ARL1: variants seen among roughly 807,000 people sequenced by gnomAD.
ARL1 encodes ADP-ribosylation factor-like protein 1.
Under a neutral mutation model 30.1 loss-of-function variants are expected in ARL1, and 17 were observed. The ratio of observed to expected loss-of-function variants is 0.56; its 90% confidence interval spans 0.39 to 0.85. The LOEUF (loss-of-function observed/expected upper bound fraction) is 0.85, where lower values mean the gene tolerates loss of function less well. Among genes scored for constraint, ARL1 ranks in the 40% least tolerant of loss-of-function variants. The pLI, the probability that ARL1 is intolerant of heterozygous loss-of-function variation, is 0.00. For missense variants in ARL1, 102 were observed against 212.6 expected (o/e 0.48, Z 3.24); for synonymous variants, 58 against 71.7 (o/e 0.81, Z 0.97).
chr12:101,396,685 C>T (rs1221449266), intron 4 of ARL1, 108 bp from the exon 5 acceptor site: 7 of 785,896 alleles, frequency 8.9e-6, no homozygotes, highest in African/African-American at 8.8e-5. Context: ...TAATATATTA[C>T]ACATTATGAA....
chr12:101,404,419 C>T (rs1871384689), intron 2 of ARL1, among the ~76,000 whole-genome samples: 1 of 152,206 alleles, frequency 6.6e-6, no homozygotes, highest in Non-Finnish European at 1.5e-5. Context: ...GCAGCACTCA[C>T]TGAAACTCCA....
intron 2 of ARL1, chr12:101,403,151 C>T (rs558028747): frequency 3.4e-4 from 158 of 469,022 alleles, no homozygotes; most frequent in African/African-American, 2.1e-3. Context: ...CCATTTAAGA[C>T]GAAATAGTAT....
chr12:101,399,507 TCTAAAAAAAAAAAAAAA>T (rs1344171384), intron 4 of ARL1, among the ~76,000 whole-genome samples: 1 of 91,056 alleles, frequency 1.1e-5, no homozygotes, highest in East Asian at 2.7e-4. Context: ...CAAGACTCTG[TCTAAAAAAAAAAAAAAA>T]AAAAAAAAAA....
chr12:101,396,572 T>C lies in ARL1; in HGVS notation c.342A>G (p.Glu114=), dbSNP rs1345172968. 6.2e-7 allele frequency: 1 copy of C among 1,608,614 alleles called. No homozygotes were observed. Among genetic ancestry groups the C allele is most frequent in the East Asian group, 2.2e-5 (1 of 44,802 alleles). ...CCACTAAAATGGCTTTTCTCAGCTC[T>C]TCTTCCTAAATGAAATTGAAAATAT... ...KSELVAMLEE[E]ELRKAILVVF... The change falls in exon 5 of 6, where the codon GAA becomes GAG. Residue 114 remains glutamate, a synonymous_variant. Coordinates refer to ENST00000261636, the MANE Select transcript of ARL1 (RefSeq NM_001177.6).
chr12:101,396,413 A>G lies in ARL1; in HGVS notation c.501T>C (p.Asp167=). ...KTSATKGTGL[D]EAMEWLVETL... ...ATGATACTTGCCATTCCATTGCCTC[A>G]TCAAGGCCGGTGCCTTTGGTTGCTG... is the stretch of plus-strand genomic sequence containing the variant. Residue 167 remains aspartate (D), a synonymous_variant, in exon 5 of 6, where the codon GAT becomes GAC. Coordinates refer to ENST00000261636, the MANE Select transcript of ARL1 (RefSeq NM_001177.6). 1 of 1,614,034 alleles carries G rather than the reference A, an allele frequency of 6.2e-7. No homozygotes were observed. Among genetic ancestry groups the G allele is most frequent in the Non-Finnish European group, 8.5e-7 (1 of 1,179,906 alleles).
intron 4 of ARL1, among the ~76,000 whole-genome samples, chr12:101,398,039 T>C (rs888382088): frequency 4.6e-5 from 7 of 152,144 alleles, no homozygotes; most frequent in Non-Finnish European, 8.8e-5. Flanking sequence ...ATTCCTTATA[T>C]GTTCTTATAA....
chr12:101,397,424 G>A (rs551457614), intron 4 of ARL1, among the ~76,000 whole-genome samples: 1 of 151,916 alleles, frequency 6.6e-6, no homozygotes, highest in East Asian at 1.9e-4. Context: ...GCAGAGAGAG[G>A]AGCTCAAGGT....
In ARL1 at chr12:101,396,501, T is replaced by A; in HGVS notation, c.413A>T (p.Glu138Val). 1 of 1,614,022 alleles carries A rather than the reference T, an allele frequency of 6.2e-7. No homozygotes were observed. The highest frequency in any genetic ancestry group is 8.5e-7 in the Non-Finnish European group (1 of 1,179,890). The change falls in exon 5 of 6, where the codon GAG (glutamate) becomes GTG (valine). Residue 138 changes from glutamate (E) to valine (V), a missense_variant. Glu to Val is a moderately radical substitution (Grantham distance 121). Coordinates refer to ENST00000261636, the MANE Select transcript of ARL1 (RefSeq NM_001177.6). ...QDMEQAMTSS[E>V]MANSLGLPAL... ...AGGTAACCCAAGTGAATTTGCCATC[T>A]CTGAGGAAGTCATGGCCTGTTCCAT... is the stretch of plus-strand genomic sequence containing the variant.
intron 1 of ARL1, chr12:101,407,032 T>C (rs1177677382): frequency 1.3e-5 from 2 of 152,132 alleles, no homozygotes; most frequent in African/African-American, 4.8e-5. Context: ...GAGAATGCAG[T>C]TCCCTCAATC....
At chr12:101,402,384 TCACCATGTTGG>T (rs1054514650) in intron 3 of ARL1, among the ~76,000 whole-genome samples, 1 of 152,156 alleles carries the variant, frequency 6.6e-6, no homozygotes, top group African/African-American at 2.4e-5. Flanking sequence ...AGACGAGGTT[TCACCATGTTGG>T]TCAGGCTGGT....
At chr12:101,403,858 G>A (rs1317843673) in intron 2 of ARL1, among the ~76,000 whole-genome samples, 1 of 152,156 alleles carries the variant, frequency 6.6e-6, no homozygotes, top group Non-Finnish European at 1.5e-5. Context: ...CACTCTGGAG[G>A]CTGATGCATG....
rs1871433376 is a variant in ARL1, at chr12:101,406,061, A to C, written c.5-80T>G. ...ACAAAACATCTAACCTTGTCCTTTGAGAGCTAAATACCAAATTAAATATTA... is the reference window on the plus strand; with the variant it reads ...ACAAAACATCTAACCTTGTCCTTTGCGAGCTAAATACCAAATTAAATATTA... On this transcript the variant is annotated intron_variant, in intron 1 of 5. Coordinates refer to ENST00000261636, the MANE Select transcript of ARL1 (RefSeq NM_001177.6). 8.9e-6 allele frequency: 10 copies of C among 1,127,914 alleles called. No individual in the cohort carries two copies. The South Asian group carries it at 1.2e-4, about 13-fold the overall frequency. The allele number at this position is 1,127,914 out of a possible 1,614,324, so 69.9% of individuals were successfully genotyped here. A position where few individuals can be genotyped will look rare whatever the true frequency, so the allele number is the denominator to read the frequency against.
At position 101,400,556 on chromosome 12, in the gene ARL1, T is replaced by C. The variant is rs118035891; in HGVS notation, c.336+506A>G. Among the ~76,000 whole-genome samples, 582 of 152,176 alleles carry C rather than the reference T, an allele frequency of 3.8e-3. 29 individuals are homozygous for C. The East Asian group carries it at 0.097, about 25-fold the overall frequency. On this transcript the variant is annotated intron_variant, in intron 4 of 5. Transcript: ENST00000261636. ...CATGCAAAGATGCTGGAGAATAGTA[T>C]TCCAAGCAGACGGATCAGCAAGTGC...
chr12:101,407,563 GC>G, intron 1 of ARL1, 78 bp downstream of exon 1: 2 of 1,588,138 alleles, frequency 1.3e-6, no homozygotes, highest in African/African-American at 2.7e-5. Context: ...ATCCTGGCCG[GC>G]CCCTCTCCTC....
chr12:101,405,721 G>T, intron 2 of ARL1, 123 bp downstream of exon 2: 1 of 1,084,958 alleles, frequency 9.2e-7, no homozygotes, highest in Non-Finnish European at 1.2e-6. Flanking sequence ...TCTAAGACCA[G>T]CTTGGACAAC....
chr12:101,407,496 C>A, intron 1 of ARL1, 146 bp downstream of exon 1: 1 of 1,059,174 alleles, frequency 9.4e-7, no homozygotes, highest in South Asian at 1.5e-5. Context: ...AGATGAAGAT[C>A]CAAAGTGAGT....
chr12:101,402,970 G>GT (rs781072599), intron 2 of ARL1, 24 bp from the exon 3 acceptor site: 14 of 1,564,226 alleles, frequency 9.0e-6, no homozygotes, highest in Non-Finnish European at 1.2e-5. Flanking sequence ...CAAATCAGTG[G>GT]TATGTGTAGA....
chr12:101,399,700 TTTA>T (rs1432888811), intron 4 of ARL1, among the ~76,000 whole-genome samples: 1 of 151,986 alleles, frequency 6.6e-6, no homozygotes, highest in Admixed American at 6.6e-5. Flanking sequence ...CAAGGGCAAT[TTTA>T]TTATTATCAT....
chr12:101,399,440 A>C (rs889248441), intron 4 of ARL1, among the ~76,000 whole-genome samples: 1 of 146,150 alleles, frequency 6.8e-6, no homozygotes, highest in Non-Finnish European at 1.5e-5. Flanking sequence ...TGAACCCAGG[A>C]GGCGAAAATT....
Sources: allele counts gnomAD v4.1 joint callset (sites outside exome capture counted in the v4.1 genomes callset), GRCh38; gene constraint gnomAD v4.1.1; transcripts MANE v1.5; gene names NCBI Gene and HGNC (gene_info 2026-07-23, HGNC 2026-07-21).